The following RSPRY1 variants were observed in gnomAD, a reference collection of about 807,000 sequenced individuals.
The protein encoded by RSPRY1 is ring finger and SPRY domain containing 1, also known as RING finger and SPRY domain-containing protein 1.
A neutral mutation model predicts 73.1 loss-of-function variants in RSPRY1; 23 were observed. That is an observed-to-expected ratio of 0.31 (90% confidence interval 0.23 to 0.45). The LOEUF (loss-of-function observed/expected upper bound fraction) is 0.45. RSPRY1 is among the 20% of genes least tolerant of loss of function. The pLI, the probability that RSPRY1 is intolerant of heterozygous loss-of-function variation, is 1.00. For missense variants in RSPRY1, 448 were observed against 698.7 expected, an observed-to-expected ratio of 0.64 and a Z score of 4.05; for synonymous variants, 226 against 251.4, an observed-to-expected ratio of 0.90 and a Z score of 0.95.
chr16:57,204,177 GA>G (rs200192613), intron 1 of RSPRY1, among the ~76,000 whole-genome samples: 1 of 151,162 alleles, frequency 6.6e-6, no homozygotes, highest in Non-Finnish European at 1.5e-5. Context: ...AGGAGCCCTT[GA>G]AAAAAAATGC....
intron 5 of RSPRY1, 123 bp downstream of exon 5, chr16:57,213,221 A>C: frequency 1.1e-6 from 1 of 910,082 alleles, no homozygotes; most frequent in Non-Finnish European, 1.6e-6. Flanking sequence ...TGATATTGAG[A>C]GACATAGACT....
At chr16:57,202,892 A>ATATATATATATGAT (rs1400425593) in intron 1 of RSPRY1, among the ~76,000 whole-genome samples, 8 of 146,278 alleles carry the variant, frequency 5.5e-5, no homozygotes, top group African/African-American at 1.7e-4. Context: ...ATATATATAT[A>ATATATATATATGAT]TATATATATA....
intron 1 of RSPRY1, among the ~76,000 whole-genome samples, chr16:57,187,400 C>G (rs2074246831): frequency 1.3e-5 from 2 of 152,168 alleles, no homozygotes; most frequent in African/African-American, 2.4e-5. Flanking sequence ...AGGTTGCTCC[C>G]CCTGGAGTGT....
chr16:57,215,683 C>T (rs1038055414), intron 6 of RSPRY1, among the ~76,000 whole-genome samples: 1 of 152,138 alleles, frequency 6.6e-6, no homozygotes, highest in African/African-American at 2.4e-5. Flanking sequence ...AATTTTGCAA[C>T]TTGTTAGTGA....
intron 11 of RSPRY1, 133 bp from the exon 12 acceptor site, chr16:57,230,578 C>T: frequency 1.9e-6 from 1 of 519,518 alleles, no homozygotes; most frequent in Middle Eastern, 5.1e-4. Flanking sequence ...ACAGAAGAAA[C>T]AAAAATTAAC....
At chr16:57,233,719 C>T (rs755876965) in intron 13 of RSPRY1, among the ~76,000 whole-genome samples, 4 of 152,262 alleles carry the variant, frequency 2.6e-5, no homozygotes, top group Non-Finnish European at 4.4e-5. Flanking sequence ...TGGCCATAAC[C>T]GTAGAGTATC....
intron 4 of RSPRY1, among the ~76,000 whole-genome samples, chr16:57,211,073 T>G (rs2074833832): frequency 6.6e-6 from 1 of 152,176 alleles, no homozygotes; most frequent in Admixed American, 6.5e-5. Context: ...GCTTCGCTGA[T>G]TTTCTTATCT....
In RSPRY1 at chr16:57,239,028, G is replaced by GA; in HGVS notation, c.*57dup. The GA allele has an allele frequency of 1.0e-6, 1 of 975,240 alleles. No homozygotes were observed. 60.4% of individuals were successfully genotyped at this position (975,240 alleles called of 1,614,324 possible). ...TTTCTACTCAATTCCAGCCAATGTT[G>GA]AAAAGAAAAAGAAAAAAAAAACTCT... On this transcript the variant is annotated 3_prime_UTR_variant, in exon 15 of 15. Transcript: ENST00000394420.
intron 4 of RSPRY1, among the ~76,000 whole-genome samples, chr16:57,210,329 C>T (rs9921220): frequency 0.013 from 2,045 of 152,246 alleles, 42 homozygotes; most frequent in African/African-American, 0.047. Flanking sequence ...ATCCTCCCAC[C>T]TTGGCTTCTC....
chr16:57,200,921 C>G (rs2074572833), intron 1 of RSPRY1, among the ~76,000 whole-genome samples: 1 of 138,464 alleles, frequency 7.2e-6, no homozygotes. Flanking sequence ...AGAGGCGCCC[C>G]TCACCTCCCA....
At chr16:57,237,855 A>C (rs1182796749) in intron 14 of RSPRY1, among the ~76,000 whole-genome samples, 1 of 151,440 alleles carries the variant, frequency 6.6e-6, no homozygotes, top group Non-Finnish European at 1.5e-5. Flanking sequence ...TGGGATTACC[A>C]GTGCCCGCCA....
chr16:57,214,613 A>G (rs1188147360), intron 6 of RSPRY1, among the ~76,000 whole-genome samples: 1 of 152,284 alleles, frequency 6.6e-6, no homozygotes, highest in African/African-American at 2.4e-5. Context: ...CTGGGGATAC[A>G]ACATGGCAGT....
At chr16:57,204,483 C>G in intron 1 of RSPRY1, 21 bp from the exon 2 acceptor site, 1 of 604,108 alleles carries the variant, frequency 1.7e-6, no homozygotes, top group Admixed American at 2.8e-5. Flanking sequence ...ATTCATTTTC[C>G]TTTTTCTCAT....
intron 1 of RSPRY1, among the ~76,000 whole-genome samples, chr16:57,196,032 AAAAT>A (rs1167757709): frequency 2.2e-4 from 11 of 49,074 alleles, no homozygotes; most frequent in East Asian, 9.9e-4. Context: ...AAAAAAAAAA[AAAAT>A]ATATATATAT....
At chr16:57,233,493 T>C (rs1161046273) in intron 13 of RSPRY1, among the ~76,000 whole-genome samples, 1 of 152,116 alleles carries the variant, frequency 6.6e-6, no homozygotes, top group Non-Finnish European at 1.5e-5. Flanking sequence ...CACCTCAGCC[T>C]CCTGAGTAGC....
intron 1 of RSPRY1, among the ~76,000 whole-genome samples, chr16:57,188,954 GTCTT>G (rs1329546341): frequency 7.0e-6 from 1 of 143,750 alleles, no homozygotes; most frequent in Non-Finnish European, 1.5e-5. Context: ...ACTATTTAAT[GTCTT>G]TCTATGTTAT....
At chr16:57,210,416 T>G (rs1158672002) in intron 4 of RSPRY1, among the ~76,000 whole-genome samples, 1 of 151,952 alleles carries the variant, frequency 6.6e-6, no homozygotes, top group Non-Finnish European at 1.5e-5. Flanking sequence ...AATAGAAGCA[T>G]TTAAGGCTGG....
chr16:57,228,401 T>A (rs746208063), intron 11 of RSPRY1, among the ~76,000 whole-genome samples: 1 of 152,082 alleles, frequency 6.6e-6, no homozygotes, highest in Non-Finnish European at 1.5e-5. Context: ...TTTTAATGGC[T>A]TGCAGGTTCT....
intron 14 of RSPRY1, 48 bp downstream of exon 14, chr16:57,235,276 T>A: frequency 7.5e-7 from 1 of 1,327,164 alleles, no homozygotes; most frequent in Admixed American, 1.7e-5. Context: ...CTTAAATTGC[T>A]AGTTCCATGG....
Sources: allele counts gnomAD v4.1 joint callset (sites outside exome capture counted in the v4.1 genomes callset), GRCh38; gene constraint gnomAD v4.1.1; transcripts MANE v1.5; gene names NCBI Gene and HGNC (gene_info 2026-07-23, HGNC 2026-07-21).